The following RNF111 variants were observed in gnomAD, a reference collection of about 807,000 sequenced individuals.
RNF111 encodes ring finger protein 111, also known as E3 ubiquitin-protein ligase Arkadia.
A neutral mutation model predicts 95.1 loss-of-function variants in RNF111; 17 were observed. The observed-to-expected ratio is 0.18, with a 90% CI of 0.12 to 0.27. The LOEUF (loss-of-function observed/expected upper bound fraction) is 0.27. RNF111 is among the 10% of genes least tolerant of loss of function. The pLI, the probability that RNF111 is intolerant of heterozygous loss-of-function variation, is 1.00. For missense variants in RNF111, 1,189 were observed against 1,210.4 expected (o/e 0.98, Z 0.26); for synonymous variants, 440 against 414.8 (o/e 1.06, Z -0.74).
chr15:59,054,962 A>G lies in RNF111; in HGVS notation c.1008-720A>G, dbSNP rs377676482. On this transcript the variant is annotated intron_variant, in intron 3 of 13. Coordinates refer to ENST00000348370, the MANE Select transcript of RNF111 (RefSeq NM_017610.8). ...TGCATATTCTACATATTATCCCTGT[A>G]TGTCCTTAGTCCAAATCATTATAGT... is the stretch of plus-strand genomic sequence containing the variant. Among the ~76,000 whole-genome samples the G allele has an allele frequency of 2.0e-5, 3 of 152,322 alleles. No homozygotes were observed. In the East Asian group the frequency reaches 5.8e-4, roughly 29 times the overall value.
Position 59,076,058 on chromosome 15 carries a change from C to T in RNF111, c.1791C>T (p.Ser597=). 1 of 1,614,182 alleles carries T rather than the reference C, an allele frequency of 6.2e-7. No homozygotes were observed. The highest frequency in any genetic ancestry group is 8.5e-7 in the Non-Finnish European group (1 of 1,180,042). The change falls in exon 7 of 14, where the codon TCC becomes TCT. Residue 597 remains serine (S), a synonymous_variant. Transcript: ENST00000348370. ...ACCCCTGCTGCCCTGTTTCTTCCTC[C>T]CGAGCTGCAATCTTTGGCCATCAGG... The part of the protein sequence containing the change: ...AFDPCCPVSS[S]RAAIFGHQAA...
intron 2 of RNF111, chr15:59,049,580 T>A (rs2041877492): frequency 6.2e-6 from 1 of 160,484 alleles, no homozygotes; most frequent in African/African-American, 2.4e-5. Context: ...ATCTCAGCTG[T>A]AGTGCTTTAT....
chr15:59,091,319 T>G (rs2079045738), intron 12 of RNF111, among the ~76,000 whole-genome samples, 165 bp downstream of exon 12: 1 of 152,252 alleles, frequency 6.6e-6, no homozygotes, highest in African/African-American at 2.4e-5. Flanking sequence ...CTTTGCAGTT[T>G]TTTACTCTGC....
intron 11 of RNF111, 118 bp from the exon 12 acceptor site, chr15:59,090,941 A>G: frequency 1.7e-6 from 1 of 578,682 alleles, no homozygotes; most frequent in Non-Finnish European, 3.1e-6. Flanking sequence ...TTTTTTGAAC[A>G]CTGTATTTAT....
chr15:59,068,996 C>T (rs2042790414), intron 6 of RNF111, among the ~76,000 whole-genome samples: 1 of 146,650 alleles, frequency 6.8e-6, no homozygotes, highest in African/African-American at 2.5e-5. Flanking sequence ...ATCGATTGAA[C>T]GTGGGAGGCG....
chr15:59,075,869 G>T lies in RNF111; in HGVS notation c.1687-85G>T. 18 of 1,368,286 alleles carry T rather than the reference G, an allele frequency of 1.3e-5. No homozygotes were observed. The Admixed American group carries it at 2.0e-4, about 15-fold the overall frequency. The allele number at this position is 1,368,286 out of a possible 1,614,324, so 84.8% of individuals were successfully genotyped here. On this transcript the variant is annotated intron_variant, in intron 6 of 13. Transcript: ENST00000348370. ...ACTAATTTAAAGATTATGTTTTTTT[G>T]GTTATATTAGGAATACTTTTATAAT...
At chr15:59,044,707 G>A (rs2041626760) in intron 2 of RNF111, among the ~76,000 whole-genome samples, 1 of 152,028 alleles carries the variant, frequency 6.6e-6, no homozygotes, top group Non-Finnish European at 1.5e-5. Flanking sequence ...ATTTCTAAAT[G>A]TAAAAGATAA....
At chr15:59,002,782 C>T (rs1310398113) in intron 1 of RNF111, among the ~76,000 whole-genome samples, 1 of 152,216 alleles carries the variant, frequency 6.6e-6, no homozygotes, top group Non-Finnish European at 1.5e-5. Context: ...CCCTTTCCTT[C>T]CACTTCCCTT....
chr15:59,040,266 C>CG (rs1240844247), intron 2 of RNF111, among the ~76,000 whole-genome samples: 1 of 152,034 alleles, frequency 6.6e-6, no homozygotes, highest in Non-Finnish European at 1.5e-5. Context: ...CAGCACATGC[C>CG]ATCTTGCTCC....
At chr15:59,034,932 G>A (rs536358635) in intron 2 of RNF111, among the ~76,000 whole-genome samples, 9 of 152,272 alleles carry the variant, frequency 5.9e-5, no homozygotes, top group Non-Finnish European at 1.2e-4. Flanking sequence ...CCATTGTCAC[G>A]CTGCTAATAA....
chr15:59,058,700 T>G, intron 5 of RNF111, 150 bp downstream of exon 5: 1 of 684,588 alleles, frequency 1.5e-6, no homozygotes, highest in Non-Finnish European at 2.4e-6. Context: ...GTAGTCTTTA[T>G]TATAATTAGG....
chr15:59,026,934 C>G (rs768802087), intron 1 of RNF111, among the ~76,000 whole-genome samples: 5 of 152,144 alleles, frequency 3.3e-5, no homozygotes, highest in Non-Finnish European at 7.4e-5. Flanking sequence ...TCTCCTCTAC[C>G]CTTGTCTCAT....
At chr15:59,042,094 T>C (rs2041489002) in intron 2 of RNF111, among the ~76,000 whole-genome samples, 2 of 151,994 alleles carry the variant, frequency 1.3e-5, no homozygotes, top group African/African-American at 4.8e-5. Flanking sequence ...AATTAATTAG[T>C]AGTTTCTTGA....
intron 6 of RNF111, among the ~76,000 whole-genome samples, chr15:59,070,794 A>G (rs1310697458): frequency 6.6e-6 from 1 of 152,218 alleles, no homozygotes; most frequent in East Asian, 1.9e-4. Context: ...GAAATTAAAA[A>G]GAATGCTGTG....
At chr15:59,089,598 T>C (rs1478138232) in intron 10 of RNF111, 69 bp from the exon 11 acceptor site, 11 of 1,206,020 alleles carry the variant, frequency 9.1e-6, no homozygotes, top group South Asian at 1.2e-5. Flanking sequence ...TCTTGAATTA[T>C]TCAATGTTAA....
chr15:59,016,457 C>A (rs1221194569), intron 1 of RNF111, among the ~76,000 whole-genome samples: 1 of 152,096 alleles, frequency 6.6e-6, no homozygotes, highest in African/African-American at 2.4e-5. Flanking sequence ...TTTCCATCAT[C>A]CTAAATTGTG....
At chr15:59,093,100 G>A (rs1447783030) in intron 13 of RNF111, among the ~76,000 whole-genome samples, 3 of 152,166 alleles carry the variant, frequency 2.0e-5, no homozygotes, top group Admixed American at 1.3e-4. Context: ...TTCATCTGGC[G>A]AGTGAAACAA....
At chr15:58,995,160 C>T (rs1393531792) in intron 1 of RNF111, among the ~76,000 whole-genome samples, 2 of 152,204 alleles carry the variant, frequency 1.3e-5, no homozygotes, top group Non-Finnish European at 2.9e-5. Context: ...TCATCACTCC[C>T]CACATCCCCC....
chr15:59,090,509 C>T (rs1178049689), intron 11 of RNF111, among the ~76,000 whole-genome samples: 7 of 152,134 alleles, frequency 4.6e-5, no homozygotes, highest in Non-Finnish European at 8.8e-5. Context: ...GGATTACAGG[C>T]GCAAGCCACC....
Sources: allele counts gnomAD v4.1 joint callset (sites outside exome capture counted in the v4.1 genomes callset), GRCh38; gene constraint gnomAD v4.1.1; transcripts MANE v1.5; gene names NCBI Gene and HGNC (gene_info 2026-07-23, HGNC 2026-07-21).